The following PACRG variants were observed in gnomAD, a reference collection of about 807,000 sequenced individuals.
The protein encoded by PACRG is parkin coregulated gene protein.
A neutral mutation model predicts 29.7 loss-of-function variants in PACRG; 29 were observed. The observed-to-expected ratio is 0.98, with a 90% CI of 0.73 to 1.33. The LOEUF is 1.33. Among genes scored for constraint, PACRG ranks in the 40% most tolerant of loss-of-function variants. The pLI, the probability that PACRG is intolerant of heterozygous loss-of-function variation, is 0.00. For synonymous variants in PACRG, 116 were observed against 118.7 expected, an observed-to-expected ratio of 0.98 and a Z score of 0.15; for missense variants, 279 against 316.2, an observed-to-expected ratio of 0.88 and a Z score of 0.89.
At chr6:162,845,370 A>T (rs1328488761) in intron 2 of PACRG, among the ~76,000 whole-genome samples, 2 of 151,976 alleles carry the variant, frequency 1.3e-5, no homozygotes, top group Non-Finnish European at 2.9e-5. Context: ...GTGTGGCAAC[A>T]AGTATCATCA....
chr6:163,125,289 C>A (rs1458433118), intron 4 of PACRG, among the ~76,000 whole-genome samples: 1 of 152,102 alleles, frequency 6.6e-6, no homozygotes, highest in Non-Finnish European at 1.5e-5. Context: ...AATATTAAAT[C>A]TATAAAAGTA....
At chr6:163,164,171 G>A (rs944905052) in intron 4 of PACRG, among the ~76,000 whole-genome samples, 1 of 152,100 alleles carries the variant, frequency 6.6e-6, no homozygotes, top group Admixed American at 6.5e-5. Flanking sequence ...AAGGGTAATT[G>A]GGAGGAAAAA....
At chr6:163,304,289 T>G (rs944185853) in intron 4 of PACRG, among the ~76,000 whole-genome samples, 1 of 152,142 alleles carries the variant, frequency 6.6e-6, no homozygotes, top group Non-Finnish European at 1.5e-5. Context: ...AGAATTGGAA[T>G]TAGGCACATG....
chr6:162,770,516 A>ATT lies in PACRG; in HGVS notation c.156+42130_156+42131dup, dbSNP rs551594597. 5.3e-5 allele frequency among the ~76,000 whole-genome samples: 8 copies of ATT among 152,186 alleles called. No individual in the cohort carries two copies. The South Asian group carries it at 1.7e-3, about 32-fold the overall frequency. ...CAATTTTTCAAGCCACATAAAATAG[A>ATT]TTTTTTCCATTTCATCAATCACATT... On this transcript the variant is annotated intron_variant, in intron 1 of 4. Coordinates refer to ENST00000366888, the MANE Select transcript of PACRG (RefSeq NM_001080379.2).
In PACRG at chr6:162,958,850, CATATATATATAT is replaced by C. The variant is rs369783608; in HGVS notation, c.292-103276_292-103265del. ...GTGTATATATAGAGCATATATAGAG[CATATATATATAT>C]ATATATATATATATATATATATAGA... On this transcript the variant is annotated intron_variant, in intron 2 of 4. Coordinates refer to ENST00000366888, the MANE Select transcript of PACRG (RefSeq NM_001080379.2). Among the ~76,000 whole-genome samples the C allele has an allele frequency of 5.2e-3, 253 of 48,590 alleles. 8 individuals are homozygous for C. The highest frequency in any genetic ancestry group is 6.0e-3 in the South Asian group (7 of 1,172). The allele number at this position is 48,590 out of a possible 152,430, so 31.9% of individuals were successfully genotyped here.
chr6:163,210,811 A>G (rs116799312), intron 4 of PACRG, among the ~76,000 whole-genome samples: 242 of 152,364 alleles, frequency 1.6e-3, no homozygotes, highest in African/African-American at 5.3e-3. Context: ...GTTAAGTAAG[A>G]AACAGCAAGC....
intron 2 of PACRG, among the ~76,000 whole-genome samples, chr6:163,048,736 C>T (rs987321432): frequency 6.6e-6 from 1 of 152,056 alleles, no homozygotes; most frequent in East Asian, 1.9e-4. Context: ...TTCTCTTGAT[C>T]GCTGGGTGAT....
intron 3 of PACRG, among the ~76,000 whole-genome samples, chr6:163,074,059 C>A (rs1812319284): frequency 6.6e-6 from 1 of 152,144 alleles, no homozygotes; most frequent in Non-Finnish European, 1.5e-5. Context: ...ATCCAGCAAG[C>A]CCACTCCTAG....
intron 1 of PACRG, among the ~76,000 whole-genome samples, chr6:162,775,901 G>A (rs1783604448): frequency 6.6e-6 from 1 of 152,176 alleles, no homozygotes; most frequent in Admixed American, 6.5e-5. Context: ...CTTATATAAA[G>A]TTAGTATAAG....
rs555006386 is a variant in PACRG, at chr6:162,942,916, AAAG to A, written c.292-119230_292-119228del. Among the ~76,000 whole-genome samples the A allele has an allele frequency of 7.9e-5, 12 of 152,356 alleles. No homozygotes were observed. In the South Asian group the frequency reaches 2.5e-3, roughly 32 times the overall value. On this transcript the variant is annotated intron_variant, in intron 2 of 4. Transcript: ENST00000366888. ...TCTAAGAAAGACACTGGAATTCAACAAAGAAGTGACAGGAAACACCTAAGGCAA... is the reference window on the plus strand; with the variant it reads ...TCTAAGAAAGACACTGGAATTCAACAAAGTGACAGGAAACACCTAAGGCAA...
At chr6:163,242,509 T>A (rs761664341) in intron 4 of PACRG, among the ~76,000 whole-genome samples, 52 of 152,222 alleles carry the variant, frequency 3.4e-4, no homozygotes, top group Non-Finnish European at 6.3e-4. Context: ...TCTTTGGTTG[T>A]ATGAAATGTC....
At chr6:163,199,771 G>C (rs1780624848) in intron 4 of PACRG, among the ~76,000 whole-genome samples, 1 of 152,190 alleles carries the variant, frequency 6.6e-6, no homozygotes, top group Admixed American at 6.5e-5. Flanking sequence ...CTTAGCCCCA[G>C]AGGCAACCAC....
At chr6:162,941,862 T>G (rs1269900540) in intron 2 of PACRG, among the ~76,000 whole-genome samples, 1 of 152,204 alleles carries the variant, frequency 6.6e-6, no homozygotes, top group African/African-American at 2.4e-5. Context: ...GTTATCAGTT[T>G]GAACTTTAAA....
At chr6:162,735,880 G>A (rs564426971) in intron 1 of PACRG, among the ~76,000 whole-genome samples, 5 of 152,218 alleles carry the variant, frequency 3.3e-5, no homozygotes, top group African/African-American at 1.2e-4. Flanking sequence ...AAATTGGAGC[G>A]ATTGGAAATG....
chr6:163,019,528 G>C (rs904309297), intron 2 of PACRG, among the ~76,000 whole-genome samples: 4 of 152,048 alleles, frequency 2.6e-5, no homozygotes, highest in African/African-American at 7.2e-5. Flanking sequence ...TTCAGACCTC[G>C]TCACCACCCG....
At chr6:162,746,342 A>G (rs967353221) in intron 1 of PACRG, among the ~76,000 whole-genome samples, 2 of 152,214 alleles carry the variant, frequency 1.3e-5, no homozygotes, top group African/African-American at 2.4e-5. Context: ...TTTTCACTTG[A>G]GCACAAAAAT....
intron 2 of PACRG, among the ~76,000 whole-genome samples, chr6:162,896,568 C>A (rs1340839963): frequency 6.6e-6 from 1 of 152,158 alleles, no homozygotes; most frequent in Non-Finnish European, 1.5e-5. Context: ...AATGTATAGG[C>A]TACCTGGGAA....
intron 2 of PACRG, among the ~76,000 whole-genome samples, chr6:162,986,963 T>C (rs1427699673): frequency 6.6e-6 from 1 of 152,174 alleles, no homozygotes; most frequent in Non-Finnish European, 1.5e-5. Context: ...CTTTCAACTT[T>C]CTCTGGTATC....
chr6:162,795,246 A>C (rs1432525731), intron 1 of PACRG, among the ~76,000 whole-genome samples: 1 of 152,090 alleles, frequency 6.6e-6, no homozygotes, highest in East Asian at 1.9e-4. Flanking sequence ...TGGGGGGCAG[A>C]GTAGGTAAGG....
Sources: gnomAD v4.1 joint callset for allele counts (sites outside exome capture counted in the v4.1 genomes callset) on GRCh38, gnomAD v4.1.1 for gene constraint, MANE v1.5 for transcripts, NCBI Gene and HGNC (gene_info 2026-07-23, HGNC 2026-07-21) for gene names.